The following ZCCHC7 variants were observed in gnomAD, a reference collection of about 807,000 sequenced individuals.
The protein encoded by ZCCHC7 is zinc finger CCHC-type containing 7.
A neutral mutation model predicts 52.0 loss-of-function variants in ZCCHC7; 35 were observed. That is an observed-to-expected ratio of 0.67 (90% confidence interval 0.51 to 0.89). The LOEUF is 0.89. Ranked by LOEUF, ZCCHC7 falls within the 40% of genes least tolerant of loss-of-function variation. ZCCHC7 has a pLI of 0.00. For missense variants in ZCCHC7, 574 were observed against 649.1 expected (o/e 0.88, Z 1.26); for synonymous variants, 217 against 221.5 (o/e 0.98, Z 0.18).
chr9:37,303,147 G>A (rs1829113951), intron 3 of ZCCHC7, among the ~76,000 whole-genome samples: 1 of 152,090 alleles, frequency 6.6e-6, no homozygotes, highest in Admixed American at 6.5e-5. Flanking sequence ...GTGGCTGGCC[G>A]GGCGTGGTGG....
chr9:37,303,052 A>T (rs1288122789), intron 3 of ZCCHC7, among the ~76,000 whole-genome samples: 1 of 152,248 alleles, frequency 6.6e-6, no homozygotes, highest in African/African-American at 2.4e-5. Context: ...AGACAAAGTC[A>T]TAAAAACACC....
intron 2 of ZCCHC7, among the ~76,000 whole-genome samples, chr9:37,208,679 C>T (rs891641388): frequency 6.6e-6 from 1 of 152,206 alleles, no homozygotes; most frequent in Non-Finnish European, 1.5e-5. Flanking sequence ...TACTTAGAAT[C>T]AGAACCTGGT....
rs1176034412 is a variant in ZCCHC7 at position 37,356,937 on chromosome 9, G to T, written c.1301G>T (p.Trp434Leu). 8 of 1,613,764 alleles carry T rather than the reference G, an allele frequency of 5.0e-6. No homozygotes were observed. Among genetic ancestry groups the T allele is most frequent in the African/African-American group, 1.3e-5 (1 of 74,940 alleles). The part of the protein sequence containing the change: ...HHDIRKGRAS[W>L]KSNRWPQENK... ...GATATAAGGAAGGGCCGTGCCTCAT[G>T]GAAAAGCAACAGGTGGCCTCAAGAA... is the stretch of plus-strand genomic sequence containing the variant. Residue 434 changes from tryptophan to leucine, a missense_variant, in exon 9 of 9, where the codon TGG (tryptophan) becomes TTG (leucine). By Grantham distance (61) the Trp-to-Leu change is moderately conservative. This residue lies in a region of ZCCHC7 where 168 missense variants were observed against 171.6 expected (regional missense o/e 0.98). Transcript: ENST00000336755.
intron 2 of ZCCHC7, among the ~76,000 whole-genome samples, chr9:37,237,752 G>A (rs1278437755): frequency 5.3e-5 from 8 of 152,176 alleles, no homozygotes; most frequent in Non-Finnish European, 7.4e-5. Flanking sequence ...ATTAAAGAGA[G>A]CACAATCAGT....
At chr9:37,249,861 A>G (rs1826242446) in intron 2 of ZCCHC7, among the ~76,000 whole-genome samples, 2 of 152,324 alleles carry the variant, frequency 1.3e-5, no homozygotes, top group South Asian at 2.1e-4. Context: ...GGAATACAAC[A>G]TAGTCAGAGA....
chr9:37,138,918 CAGAA>C (rs1361485079), intron 2 of ZCCHC7, among the ~76,000 whole-genome samples: 3 of 151,540 alleles, frequency 2.0e-5, no homozygotes, highest in African/African-American at 7.3e-5. Flanking sequence ...TTTTTATGGT[CAGAA>C]AGTAAATTTG....
chr9:37,329,827 G>A (rs1042790096), intron 6 of ZCCHC7, among the ~76,000 whole-genome samples: 9 of 151,818 alleles, frequency 5.9e-5, no homozygotes, highest in Non-Finnish European at 2.9e-5. Flanking sequence ...GTCAATCAGC[G>A]CAGTGACCAA....
At chr9:37,179,518 A>T (rs1822238235) in intron 2 of ZCCHC7, among the ~76,000 whole-genome samples, 1 of 152,340 alleles carries the variant, frequency 6.6e-6, no homozygotes, top group African/African-American at 2.4e-5. Flanking sequence ...AATAAATTTC[A>T]GTGGAAGAGA....
intron 2 of ZCCHC7, among the ~76,000 whole-genome samples, chr9:37,217,169 T>C (rs1824550066): frequency 6.6e-6 from 1 of 152,156 alleles, no homozygotes; most frequent in Admixed American, 6.5e-5. Flanking sequence ...CAGATGAATA[T>C]TTTTTCTTAA....
At chr9:37,340,843 A>G (rs1207444187) in intron 6 of ZCCHC7, among the ~76,000 whole-genome samples, 1 of 152,164 alleles carries the variant, frequency 6.6e-6, no homozygotes, top group African/African-American at 2.4e-5. Flanking sequence ...GCCCTAGTAC[A>G]TGATAGTTTA....
At chr9:37,126,177 A>C in intron 1 of ZCCHC7, 135 bp from the exon 2 acceptor site, 1 of 912,338 alleles carries the variant, frequency 1.1e-6, no homozygotes, top group Non-Finnish European at 1.6e-6. Flanking sequence ...CCTTGGAAAA[A>C]AAGGTATTTT....
intron 2 of ZCCHC7, among the ~76,000 whole-genome samples, chr9:37,192,002 TTC>T (rs1434965833): frequency 6.6e-6 from 1 of 152,220 alleles, no homozygotes; most frequent in Non-Finnish European, 1.5e-5. Context: ...GAGCTAAAAA[TTC>T]TCTTTCTAGC....
At chr9:37,218,554 C>T (rs1824636188) in intron 2 of ZCCHC7, among the ~76,000 whole-genome samples, 1 of 152,182 alleles carries the variant, frequency 6.6e-6, no homozygotes, top group Non-Finnish European at 1.5e-5. Flanking sequence ...CGCCTGTAAT[C>T]CCCCAGTGCT....
rs188405687 is a variant in ZCCHC7, at chr9:37,302,124, C to T, written c.611-64C>T. The T allele has an allele frequency of 4.9e-4, 647 of 1,315,810 alleles. 3 individuals are homozygous for T. The African/African-American group carries it at 8.4e-3, about 17-fold the overall frequency. 81.5% of individuals were successfully genotyped at this position (1,315,810 alleles called of 1,614,324 possible). On this transcript the variant is annotated intron_variant, in intron 2 of 8. Transcript: ENST00000336755. ...TTTGAGTACTCATAAATTGTGTAAT[C>T]TATTGTCAATCTATAAGTCCTTTAA...
chr9:37,140,485 T>G (rs1843173195), intron 2 of ZCCHC7, among the ~76,000 whole-genome samples: 1 of 152,020 alleles, frequency 6.6e-6, no homozygotes, highest in South Asian at 2.1e-4. Flanking sequence ...TTTTAAACAT[T>G]CAAAATATTC....
At position 37,142,220 on chromosome 9, in the gene ZCCHC7, T is replaced by TA. The variant is rs568205333; in HGVS notation, c.610+15286dup. ...ATGTTATGATATACTGTAAATAGGC[T>TA]AAAAAAAACCTTGTAATGTTGATAC... On this transcript the variant is annotated intron_variant, in intron 2 of 8. Transcript: ENST00000336755. Among the ~76,000 whole-genome samples the TA allele has an allele frequency of 3.1e-4, 47 of 151,638 alleles. No individual in the cohort carries two copies. The South Asian group carries it at 8.5e-3, about 27-fold the overall frequency.
At chr9:37,274,472 T>C (rs1827589100) in intron 2 of ZCCHC7, among the ~76,000 whole-genome samples, 2 of 151,300 alleles carry the variant, frequency 1.3e-5, no homozygotes, top group Non-Finnish European at 2.9e-5. Context: ...CCTAAGTAGC[T>C]GGAGTCACAG....
intron 2 of ZCCHC7, among the ~76,000 whole-genome samples, chr9:37,149,468 A>C (rs1427527487): frequency 6.6e-6 from 1 of 152,152 alleles, no homozygotes; most frequent in Non-Finnish European, 1.5e-5. Context: ...AAACTGATCA[A>C]AGTAAGAATT....
At chr9:37,195,350 T>G (rs1823235799) in intron 2 of ZCCHC7, among the ~76,000 whole-genome samples, 1 of 152,198 alleles carries the variant, frequency 6.6e-6, no homozygotes. Context: ...AGCAAATAAC[T>G]GTTATTTAGC....
Sources: allele counts gnomAD v4.1 joint callset (sites outside exome capture counted in the v4.1 genomes callset), GRCh38; gene constraint gnomAD v4.1.1; regional missense constraint gnomAD v4.1.1; transcripts MANE v1.5; gene names NCBI Gene and HGNC (gene_info 2026-07-23, HGNC 2026-07-21).